MYH9: variants seen among roughly 807,000 people sequenced by gnomAD.
MYH9 encodes myosin-9.
Under a neutral mutation model 241.9 loss-of-function variants are expected in MYH9, and 29 were observed. The ratio of observed to expected loss-of-function variants is 0.12; its 90% confidence interval spans 0.09 to 0.16. The LOEUF (loss-of-function observed/expected upper bound fraction) is 0.16. Ranked by LOEUF, MYH9 falls within the 10% of genes least tolerant of loss-of-function variation. The pLI is 1.00. For synonymous variants in MYH9, 1,047 were observed against 1,062.6 expected, an observed-to-expected ratio of 0.99 and a Z score of 0.29; for missense variants, 1,803 against 2,595.5, an observed-to-expected ratio of 0.69 and a Z score of 6.63.
chr22:36,325,909 G>A (rs2017328874), intron 5 of MYH9, among the ~76,000 whole-genome samples: 1 of 152,228 alleles, frequency 6.6e-6, no homozygotes, highest in South Asian at 2.1e-4. Context: ...TCTAGCTGCA[G>A]AAAGTGACAA....
chr22:36,379,575 G>A (rs972108772), intron 1 of MYH9, among the ~76,000 whole-genome samples: 5 of 152,208 alleles, frequency 3.3e-5, no homozygotes, highest in Admixed American at 2.6e-4. Context: ...GGACCTCCCT[G>A]AGAAGCCCCT....
intron 5 of MYH9, among the ~76,000 whole-genome samples, chr22:36,325,733 C>A (rs185051297): frequency 6.6e-6 from 1 of 152,174 alleles, no homozygotes; most frequent in Non-Finnish European, 1.5e-5. Flanking sequence ...AGCTATGGTG[C>A]GCTGTGGGGA....
At chr22:36,304,909 T>A (rs2016944699) in intron 18 of MYH9, 124 bp downstream of exon 18, 1 of 977,998 alleles carries the variant, frequency 1.0e-6, no homozygotes, top group Non-Finnish European at 1.6e-6. Flanking sequence ...ACGCGGAGCA[T>A]CAGAAGGGAC....
chr22:36,305,678 G>A lies in MYH9; in HGVS notation c.2159+252C>T, dbSNP rs188006172. Among the ~76,000 whole-genome samples the A allele has an allele frequency of 3.3e-5, 5 of 152,318 alleles. No individual in the cohort carries two copies. Among genetic ancestry groups the A allele is most frequent in the Admixed American group, 1.3e-4 (2 of 15,302 alleles). On this transcript the variant is annotated intron_variant, in intron 17 of 40. Transcript: ENST00000216181. This position sits in a 1 kb window ranked among gnomAD's most constrained non-coding sequence, Gnocchi z 4.7. ...AACTGTAGCAAATAGCACCAGGGCC[G>A]GCAGTTACTAGGAGCAAAAGTCAAC...
chr22:36,353,505 C>A (rs946503236), intron 1 of MYH9, among the ~76,000 whole-genome samples: 1 of 152,014 alleles, frequency 6.6e-6, no homozygotes. Context: ...GGACTACAGG[C>A]GCCCACCACC....
chr22:36,324,904 A>G (rs537692582), intron 5 of MYH9: 36 of 600,528 alleles, frequency 6.0e-5, no homozygotes, highest in African/African-American at 5.9e-4. Context: ...CCCCTCTACA[A>G]CAGGAACCCC....
In MYH9 at chr22:36,285,095, G is replaced by A. The variant is rs766586517; in HGVS notation, c.5483+26C>T. The stretch of plus-strand genomic sequence containing the variant: ...CCAGAGTTTTTTCCAGGACAGCTGG[G>A]GTTGGGCGGGGCCAGGGGCACGTAC... On this transcript the variant is annotated intron_variant, in intron 38 of 40. Transcript: ENST00000216181. The surrounding 1 kb of genome is among the most constrained non-coding windows in gnomAD (Gnocchi z 7.0). 2 of 1,610,084 alleles carry A rather than the reference G, an allele frequency of 1.2e-6. No homozygotes were observed. The highest frequency in any genetic ancestry group is 3.3e-5 in the Admixed American group (2 of 59,970).
At position 36,293,612 on chromosome 22, in the gene MYH9, G is replaced by A. The variant is rs528805494; in HGVS notation, c.3943-131C>T. The A allele has an allele frequency of 2.4e-4, 335 of 1,402,676 alleles. 6 individuals carry two copies. In the South Asian group the frequency reaches 3.6e-3, roughly 15 times the overall value. 86.9% of individuals were successfully genotyped at this position (1,402,676 alleles called of 1,614,324 possible). A position where few individuals can be genotyped will look rare whatever the true frequency, so the allele number is the denominator to read the frequency against. Reference sequence around the variant, plus strand: ...GGATGGCCACGTAAAGACCTGGAGGGAGCTGGGAGGACGCAGAGACCCACC... The same window carrying A: ...GGATGGCCACGTAAAGACCTGGAGGAAGCTGGGAGGACGCAGAGACCCACC... On this transcript the variant is annotated intron_variant, in intron 29 of 40. Coordinates refer to ENST00000216181, the MANE Select transcript of MYH9 (RefSeq NM_002473.6). The surrounding 1 kb of genome is among the most constrained non-coding windows in gnomAD (Gnocchi z 5.1).
intron 10 of MYH9, 52 bp from the exon 11 acceptor site, chr22:36,318,377 A>G: frequency 1.4e-6 from 2 of 1,408,942 alleles, no homozygotes; most frequent in Non-Finnish European, 2.0e-6. Flanking sequence ...ATTAGACCCA[A>G]GAGAGAAAGT....
intron 2 of MYH9, among the ~76,000 whole-genome samples, chr22:36,342,687 T>C (rs1039759778): frequency 2.2e-4 from 33 of 149,326 alleles, no homozygotes; most frequent in African/African-American, 7.9e-4. Context: ...CCACCCAGGG[T>C]GGCAGATGTT....
intron 1 of MYH9, among the ~76,000 whole-genome samples, chr22:36,353,118 TGTG>T (rs199989863): frequency 0.15 from 23,363 of 151,774 alleles, 2,709 homozygotes; most frequent in African/African-American, 0.33. Flanking sequence ...TGTGTGTGTG[TGTG>T]TGTGTGTGTG....
chr22:36,334,436 G>T (rs2146377488), intron 3 of MYH9, among the ~76,000 whole-genome samples: 1 of 152,336 alleles, frequency 6.6e-6, no homozygotes, highest in East Asian at 1.9e-4. Flanking sequence ...ATCTCCTAAA[G>T]CTCCACTGAG....
At chr22:36,331,983 G>A (rs1484680225) in intron 3 of MYH9, among the ~76,000 whole-genome samples, 1 of 152,252 alleles carries the variant, frequency 6.6e-6, no homozygotes, top group Non-Finnish European at 1.5e-5. Context: ...ACTCCAGAGT[G>A]GCCCCTGGGG....
intron 12 of MYH9, 136 bp downstream of exon 12, chr22:36,316,381 C>A (rs1248825765): frequency 1.5e-6 from 2 of 1,305,512 alleles, no homozygotes; most frequent in African/African-American, 2.9e-5. Context: ...ACCCCACACC[C>A]AACCAAAGTC....
intron 14 of MYH9, among the ~76,000 whole-genome samples, chr22:36,311,231 T>C (rs928764148): frequency 3.3e-5 from 5 of 152,210 alleles, no homozygotes; most frequent in South Asian, 2.1e-4. Flanking sequence ...ATGGACTAAG[T>C]TGGGTCTAAG....
At chr22:36,362,696 G>A (rs1224072291) in intron 1 of MYH9, among the ~76,000 whole-genome samples, 3 of 152,134 alleles carry the variant, frequency 2.0e-5, no homozygotes, top group African/African-American at 7.2e-5. Context: ...GGATCGTCTT[G>A]AACTCCTGAC....
intron 3 of MYH9, among the ~76,000 whole-genome samples, chr22:36,332,925 C>A (rs2017446558): frequency 6.6e-6 from 1 of 152,170 alleles, no homozygotes; most frequent in African/African-American, 2.4e-5. Context: ...AAATTCAAAA[C>A]CACATACGAG....
At chr22:36,377,559 T>G (rs181803877) in intron 1 of MYH9, among the ~76,000 whole-genome samples, 1 of 152,334 alleles carries the variant, frequency 6.6e-6, no homozygotes, top group African/African-American at 2.4e-5. Flanking sequence ...TCAGTCATCT[T>G]AATCACCGCA....
At position 36,341,506 on chromosome 22, in the gene MYH9, A is replaced by G. The variant is rs2017589844; in HGVS notation, c.354T>C (p.Cys118=). ...GLIYTYSGLF[C]VVINPYKNLP... ...GGTTCTTGTAAGGATTGATGACCAC[A>G]CAGAACAGGCCTGAATAGGTCTAAA... Residue 118 remains cysteine (C), a synonymous_variant, in exon 3 of 41, where the codon TGT becomes TGC. Transcript: ENST00000216181. 1 of 1,614,184 alleles carries G rather than the reference A, an allele frequency of 6.2e-7. No individual in the cohort carries two copies. Among genetic ancestry groups the G allele is most frequent in the Non-Finnish European group, 8.5e-7 (1 of 1,180,022 alleles).
Sources: gnomAD v4.1 joint callset for allele counts (sites outside exome capture counted in the v4.1 genomes callset) on GRCh38, gnomAD v4.1.1 for gene constraint, Gnocchi (gnomAD v3.1) non-coding constraint, MANE v1.5 for transcripts, NCBI Gene and HGNC (gene_info 2026-07-23, HGNC 2026-07-21) for gene names.